Variants in ENKUR observed in about 807,000 individuals in gnomAD.
ENKUR encodes enkurin, TRPC channel interacting protein.
In ENKUR, 19 loss-of-function variants were observed where a neutral mutation model predicts 27.6. The ratio of observed to expected loss-of-function variants is 0.69; its 90% CI spans 0.48 to 1.01. The LOEUF (loss-of-function observed/expected upper bound fraction) is 1.01, where lower values mean the gene tolerates loss of function less well. Among genes scored for constraint, ENKUR ranks in the 50% least tolerant of loss-of-function variants. The probability of loss-of-function intolerance (pLI) is 0.00; values close to 1 mark genes in which losing one functional copy is unlikely to be tolerated. For synonymous variants in ENKUR, 117 were observed against 96.9 expected, an observed-to-expected ratio of 1.21 and a Z score of -1.22; for missense variants, 312 against 310.5, an observed-to-expected ratio of 1.00 and a Z score of -0.04.
intron 2 of ENKUR, among the ~76,000 whole-genome samples, chr10:25,047,294 C>T (rs1851131391): frequency 1.3e-5 from 2 of 152,168 alleles, no homozygotes; most frequent in African/African-American, 4.8e-5. Context: ...GTTCCACTGT[C>T]TCTCTTTCTT....
At chr10:25,004,316 T>C (rs1167323820) in intron 1 of ENKUR, among the ~76,000 whole-genome samples, 2 of 152,218 alleles carry the variant, frequency 1.3e-5, no homozygotes, top group Middle Eastern at 3.2e-3. Context: ...CTGGGTTGAA[T>C]GGTATTCCCA....
intron 2 of ENKUR, chr10:25,023,844 T>A (rs1850775876): frequency 1.9e-6 from 3 of 1,614,082 alleles, no homozygotes; most frequent in Non-Finnish European, 2.5e-6. Context: ...AAAGTGGGGC[T>A]TCCCCAGAGG....
chr10:25,034,449 C>G (rs1850978514), intron 2 of ENKUR, among the ~76,000 whole-genome samples: 1 of 152,118 alleles, frequency 6.6e-6, no homozygotes, highest in Non-Finnish European at 1.5e-5. Context: ...GTGGCCTAAT[C>G]TGAATGATTC....
intron 2 of ENKUR, among the ~76,000 whole-genome samples, chr10:25,054,922 G>A (rs1277519593): frequency 3.3e-5 from 5 of 152,080 alleles, no homozygotes; most frequent in African/African-American, 1.2e-4. Context: ...AGATCTGCCT[G>A]CCTTGGTTTC....
chr10:25,024,864 A>G, intron 2 of ENKUR: 22 of 1,614,102 alleles, frequency 1.4e-5, no homozygotes, highest in Non-Finnish European at 1.8e-5. Context: ...TAAAAACAGG[A>G]CATTATGATC....
intron 1 of ENKUR, among the ~76,000 whole-genome samples, chr10:25,015,276 C>A (rs907038951): frequency 6.6e-6 from 1 of 152,152 alleles, no homozygotes; most frequent in Non-Finnish European, 1.5e-5. Context: ...CATTATCTAT[C>A]CACCAATTCT....
At chr10:25,035,242 A>G (rs752629871) in intron 2 of ENKUR, among the ~76,000 whole-genome samples, 15 of 152,174 alleles carry the variant, frequency 9.9e-5, no homozygotes, top group South Asian at 2.1e-4. Context: ...CTTGTAAGAG[A>G]ATAATGCACA....
rs1261788988 is a variant in ENKUR at position 24,983,597 on chromosome 10, T to A, written c.*773A>T. ...AATAAAGATACTCATATGGACAAGT[T>A]TCAAGTGAATTTTCAAAAAATAATT... is the stretch of plus-strand genomic sequence containing the variant. On this transcript the variant is annotated 3_prime_UTR_variant, in exon 6 of 6. Transcript: ENST00000331161. The A allele has an allele frequency of 6.6e-6, 1 of 152,212 alleles. No homozygotes were observed. The highest frequency in any genetic ancestry group is 6.5e-5 in the Admixed American group (1 of 15,282). 9.4% of individuals were successfully genotyped at this position (152,212 alleles called of 1,614,324 possible).
chr10:25,003,020 C>A (rs182425538), intron 1 of ENKUR, among the ~76,000 whole-genome samples: 44 of 151,668 alleles, frequency 2.9e-4, no homozygotes, highest in African/African-American at 1.0e-3. Flanking sequence ...GCCTGTCCAT[C>A]TATTATAGAA....
intron 1 of ENKUR, among the ~76,000 whole-genome samples, chr10:25,010,303 C>T (rs1357387476): frequency 2.0e-5 from 3 of 152,026 alleles, no homozygotes; most frequent in East Asian, 3.9e-4. Context: ...TGTGGAACTT[C>T]GAATTTGAGA....
At chr10:25,054,495 T>C in intron 2 of ENKUR, among the ~76,000 whole-genome samples, 1 of 126,630 alleles carries the variant, frequency 7.9e-6, no homozygotes, top group Non-Finnish European at 1.7e-5. Context: ...CTTTCTTTCT[T>C]TCTTTCTTTC....
intron 2 of ENKUR, chr10:25,026,578 T>A (rs2132768907): frequency 6.0e-6 from 1 of 166,184 alleles, no homozygotes; most frequent in Non-Finnish European, 1.5e-5. Context: ...TAATTTGTAT[T>A]CCTTTGTAGT....
At chr10:24,995,350 TA>T (rs1246651560) in intron 3 of ENKUR, among the ~76,000 whole-genome samples, 1 of 152,200 alleles carries the variant, frequency 6.6e-6, no homozygotes, top group Non-Finnish European at 1.5e-5. Context: ...CATTTCCAAC[TA>T]ACCAAAAATA....
At chr10:25,030,756 C>A (rs1462965760) in intron 2 of ENKUR, among the ~76,000 whole-genome samples, 1 of 152,138 alleles carries the variant, frequency 6.6e-6, no homozygotes, top group African/African-American at 2.4e-5. Context: ...TTCTTTCTTT[C>A]TCAAACTCCT....
intron 2 of ENKUR, among the ~76,000 whole-genome samples, chr10:25,028,354 A>G (rs16925243): frequency 6.6e-6 from 1 of 152,124 alleles, no homozygotes; most frequent in African/African-American, 2.4e-5. Flanking sequence ...TCAAGTGTAT[A>G]TGTTTGCTGC....
chr10:25,006,639 C>CA (rs930920334), intron 1 of ENKUR, among the ~76,000 whole-genome samples: 4 of 151,490 alleles, frequency 2.6e-5, no homozygotes, highest in Admixed American at 6.6e-5. Flanking sequence ...ATAGCCTCAT[C>CA]AAAAAAAACC....
intron 2 of ENKUR, among the ~76,000 whole-genome samples, chr10:25,028,510 GT>G (rs1410968696): frequency 6.6e-5 from 10 of 152,110 alleles, no homozygotes; most frequent in Non-Finnish European, 1.2e-4. Context: ...CCTTCCTCTT[GT>G]TTCTTCAACT....
rs1446736047 is a variant in ENKUR, at chr10:25,025,105, A to G, written c.38-29236T>C. The G allele has an allele frequency of 3.7e-5, 59 of 1,614,202 alleles. No individual in the cohort carries two copies. The highest frequency in any genetic ancestry group is 4.8e-5 in the Non-Finnish European group (57 of 1,180,044). The stretch of plus-strand genomic sequence containing the variant: ...CTCTGAGGGAGAGTGCCTAGCAGCT[A>G]TTAACTCCACCTATAATACTTCAGG... On this transcript the variant is annotated intron_variant, in intron 2 of 5. Coordinates refer to the ENKUR transcript ENST00000615958.
chr10:24,993,668 G>C (rs1407010308), intron 3 of ENKUR, among the ~76,000 whole-genome samples: 1 of 152,210 alleles, frequency 6.6e-6, no homozygotes, highest in Non-Finnish European at 1.5e-5. Flanking sequence ...AGTAAATTGA[G>C]TAAGTCTTTC....
Sources: allele counts gnomAD v4.1 joint callset (sites outside exome capture counted in the v4.1 genomes callset), GRCh38; gene constraint gnomAD v4.1.1; transcripts MANE v1.5; gene names NCBI Gene and HGNC (gene_info 2026-07-23, HGNC 2026-07-21).